PIK3CA: variants seen among roughly 807,000 people sequenced by gnomAD.
PIK3CA encodes the protein phosphatidylinositol 4,5-bisphosphate 3-kinase catalytic subunit alpha isoform.
A neutral mutation model predicts 138.2 loss-of-function variants in PIK3CA; 27 were observed. The observed-to-expected ratio is 0.20, with a 90% confidence interval of 0.14 to 0.27. The LOEUF is 0.27. Ranked by LOEUF, PIK3CA falls within the 10% of genes least tolerant of loss-of-function variation. The pLI, the probability that PIK3CA is intolerant of heterozygous loss-of-function variation, is 1.00. For synonymous variants in PIK3CA, 358 were observed against 413.2 expected, an observed-to-expected ratio of 0.87 and a Z score of 1.62; for missense variants, 544 against 1,277.4, an observed-to-expected ratio of 0.43 and a Z score of 8.75.
rs1725294435 is a variant in PIK3CA at position 179,234,695 on chromosome 3, A to G, written c.*331A>G. 2 of 250,054 alleles carry G rather than the reference A, an allele frequency of 8.0e-6. No individual in the cohort carries two copies. The highest frequency in any genetic ancestry group is 4.4e-5 in the African/African-American group (2 of 45,858). 15.5% of individuals were successfully genotyped at this position (250,054 alleles called of 1,614,324 possible). A position where few individuals can be genotyped will look rare whatever the true frequency, so the allele number is the denominator to read the frequency against. ...ACAAAAATCCCCAAAATATATAGAA[A>G]TGATGGAGAAGGAAAAAGTGATGGT... On this transcript the variant is annotated 3_prime_UTR_variant, in exon 21 of 21. Coordinates refer to ENST00000263967, the MANE Select transcript of PIK3CA (RefSeq NM_006218.4). This position sits in a 1 kb window ranked among gnomAD's most constrained non-coding sequence, Gnocchi z 5.1.
intron 1 of PIK3CA, among the ~76,000 whole-genome samples, chr3:179,190,315 C>G (rs916442875): frequency 6.7e-6 from 1 of 149,370 alleles, no homozygotes; most frequent in African/African-American, 2.5e-5. Flanking sequence ...GCACCCCCCC[C>G]ACCACCCCCA....
chr3:179,224,602 C>A, intron 15 of PIK3CA, 98 bp from the exon 16 acceptor site: 1 of 723,488 alleles, frequency 1.4e-6, no homozygotes, highest in Non-Finnish European at 2.1e-6. Context: ...CTTTGTAACA[C>A]TTCAAAAAGC....
chr3:179,170,210 A>G (rs548960849), intron 1 of PIK3CA, among the ~76,000 whole-genome samples: 2 of 152,382 alleles, frequency 1.3e-5, no homozygotes, highest in Non-Finnish European at 2.9e-5. Context: ...ATTGTCATTC[A>G]TATTACGAAT....
intron 1 of PIK3CA, among the ~76,000 whole-genome samples, chr3:179,185,620 C>T (rs1723959773): frequency 6.6e-6 from 1 of 152,192 alleles, no homozygotes; most frequent in South Asian, 2.1e-4. Context: ...TCATAAGCTT[C>T]AGGTTGTTTT....
intron 1 of PIK3CA, among the ~76,000 whole-genome samples, chr3:179,176,836 G>A (rs563385653): frequency 6.6e-6 from 1 of 152,286 alleles, no homozygotes; most frequent in African/African-American, 2.4e-5. Flanking sequence ...TAAGTTCCCA[G>A]TAGTGGGGTT....
chr3:179,191,447 A>G lies in PIK3CA; in HGVS notation c.-76-7303A>G, dbSNP rs111486552. The stretch of plus-strand genomic sequence containing the variant: ...ATTTAAACAGCTTCTATACTTGTGG[A>G]ACATAAATAACTAGAAAATACAAGC... On this transcript the variant is annotated intron_variant, in intron 1 of 20. Transcript: ENST00000263967. 1.4e-3 allele frequency among the ~76,000 whole-genome samples: 216 copies of G among 152,342 alleles called. 3 individuals carry two copies. Among genetic ancestry groups the G allele is most frequent in the African/African-American group, 4.8e-3 (198 of 41,578 alleles).
intron 6 of PIK3CA, among the ~76,000 whole-genome samples, chr3:179,205,630 G>A (rs1724540231): frequency 6.6e-6 from 1 of 152,126 alleles, no homozygotes; most frequent in African/African-American, 2.4e-5. Flanking sequence ...GTGGGAGAGG[G>A]AGTTATGGGG....
chr3:179,178,146 C>T (rs1231448296), intron 1 of PIK3CA, among the ~76,000 whole-genome samples: 2 of 134,244 alleles, frequency 1.5e-5, no homozygotes, highest in Non-Finnish European at 1.5e-5. Context: ...GTTAGCTAGG[C>T]ATGGAGGCAT....
chr3:179,237,559 CT>C lies in PIK3CA; in HGVS notation c.*3197del, dbSNP rs1201072295. The C allele has an allele frequency of 4.8e-6, 1 of 207,268 alleles. No homozygotes were observed. Among genetic ancestry groups the C allele is most frequent in the African/African-American group, 2.3e-5 (1 of 43,912 alleles). The allele number at this position is 207,268 out of a possible 1,614,324, so 12.8% of individuals were successfully genotyped here. ...GACTTGATTAGACTGTATATGCCCTCTTGGATTTTATTTTAAATGGATTGGT... is the reference window on the plus strand; with the variant it reads ...GACTTGATTAGACTGTATATGCCCTCTGGATTTTATTTTAAATGGATTGGT... On this transcript the variant is annotated 3_prime_UTR_variant, in exon 21 of 21. Transcript: ENST00000263967.
intron 1 of PIK3CA, among the ~76,000 whole-genome samples, chr3:179,162,936 AT>A (rs2108356165): frequency 6.6e-6 from 1 of 152,320 alleles, no homozygotes; most frequent in African/African-American, 2.4e-5. Context: ...AAAGTAAGGT[AT>A]CTTTTGAGTG....
At chr3:179,175,008 T>C (rs1723660638) in intron 1 of PIK3CA, among the ~76,000 whole-genome samples, 1 of 152,226 alleles carries the variant, frequency 6.6e-6, no homozygotes, top group African/African-American at 2.4e-5. Flanking sequence ...GATTTAATCT[T>C]GATTGCTTGC....
chr3:179,214,648 A>G (rs575071850), intron 9 of PIK3CA, among the ~76,000 whole-genome samples: 1 of 152,204 alleles, frequency 6.6e-6, no homozygotes, highest in Non-Finnish European at 1.5e-5. Context: ...TTGGAAAAAT[A>G]GTGCCAGGAG....
At chr3:179,158,928 G>A (rs935193450) in intron 1 of PIK3CA, among the ~76,000 whole-genome samples, 1 of 152,008 alleles carries the variant, frequency 6.6e-6, no homozygotes, top group Middle Eastern at 3.2e-3. Context: ...ATGTATATAT[G>A]TTCTTGCGTT....
In PIK3CA at chr3:179,226,047, A is replaced by C. The variant is rs748758010; in HGVS notation, c.2495+7A>C. ...ATCAAGGTCTTGATCTTCGGTAGGT[A>C]ACCAGTAAGGCAACCTGTATGTTGA... On this transcript the variant is annotated splice_region_variant and intron_variant, in intron 17 of 20. Coordinates refer to ENST00000263967, the MANE Select transcript of PIK3CA (RefSeq NM_006218.4). 6.6e-7 allele frequency: 1 copy of C among 1,516,468 alleles called. No homozygotes were observed. Among genetic ancestry groups the C allele is most frequent in the Middle Eastern group, 1.7e-4 (1 of 5,850 alleles). 93.9% of individuals were successfully genotyped at this position (1,516,468 alleles called of 1,614,324 possible).
chr3:179,190,861 A>C (rs1462920351), intron 1 of PIK3CA, among the ~76,000 whole-genome samples: 1 of 152,238 alleles, frequency 6.6e-6, no homozygotes, highest in Non-Finnish European at 1.5e-5. Flanking sequence ...TTTTAGCTAC[A>C]GAAACAAATA....
chr3:179,229,105 C>A (rs762651216), intron 17 of PIK3CA, among the ~76,000 whole-genome samples, 167 bp from the exon 18 acceptor site: 1 of 151,810 alleles, frequency 6.6e-6, no homozygotes, highest in Non-Finnish European at 1.5e-5. Context: ...AGGATTATTC[C>A]AGGAGTATGT....
At chr3:179,217,115 ACAC>A (rs1724852692) in intron 9 of PIK3CA, among the ~76,000 whole-genome samples, 1 of 151,922 alleles carries the variant, frequency 6.6e-6, no homozygotes, top group Non-Finnish European at 1.5e-5. Flanking sequence ...TTATTCCTTC[ACAC>A]CAAACTAGTT....
At chr3:179,165,544 A>G (rs1176310939) in intron 1 of PIK3CA, among the ~76,000 whole-genome samples, 4 of 152,146 alleles carry the variant, frequency 2.6e-5, no homozygotes, top group Admixed American at 2.6e-4. Flanking sequence ...GGCATGAGCC[A>G]CTGTGTTGAG....
intron 17 of PIK3CA, 80 bp downstream of exon 17, chr3:179,226,120 A>G: frequency 1.3e-6 from 1 of 744,384 alleles, no homozygotes; most frequent in Non-Finnish European, 2.4e-6. Flanking sequence ...AAGCATATAG[A>G]GGCATATGTC....
Sources: gnomAD v4.1 joint callset for allele counts (sites outside exome capture counted in the v4.1 genomes callset) on GRCh38, gnomAD v4.1.1 for gene constraint, Gnocchi (gnomAD v3.1) non-coding constraint, MANE v1.5 for transcripts, NCBI Gene and HGNC (gene_info 2026-07-23, HGNC 2026-07-21) for gene names.